MYBPC3: variants seen among roughly 807,000 people sequenced by gnomAD.
The protein encoded by MYBPC3 is myosin-binding protein C, cardiac-type.
A neutral mutation model predicts 159.3 loss-of-function variants in MYBPC3; 108 were observed. The observed-to-expected ratio is 0.68, with a 90% CI of 0.58 to 0.80. MYBPC3 has a LOEUF of 0.80. MYBPC3 is among the 30% of genes least tolerant of loss of function. The pLI is 0.00. For missense variants in MYBPC3, 1,631 were observed against 1,762.1 expected (o/e 0.93, Z 1.33); for synonymous variants, 730 against 702.0 (o/e 1.04, Z -0.63).
Position 47,342,835 on chromosome 11 carries a change from G to A in MYBPC3, c.1452C>T (p.Val484=), listed in dbSNP as rs1261011319. Residue 484 remains valine, a synonymous_variant, in exon 16 of 35, where the codon GTC becomes GTT. Transcript: ENST00000545968. ...CCCGTGCTTCTGGAACTCACCATTT[G>A]ACTTGCGCCCCCTCCTCCGATACTT... is the stretch of plus-strand genomic sequence containing the variant. The part of the protein sequence containing the change: ...ECEVSEEGAQ[V]KWLKDGVELT... 2 of 1,612,482 alleles carry A rather than the reference G, an allele frequency of 1.2e-6. No homozygotes were observed. The highest frequency in any genetic ancestry group is 2.2e-5 in the South Asian group (2 of 90,816).
At position 47,347,860 on chromosome 11, in the gene MYBPC3, C is replaced by A. The variant is rs376461745; in HGVS notation, c.818G>T (p.Arg273Leu). The A allele has an allele frequency of 2.6e-6, 4 of 1,565,902 alleles. No individual in the cohort carries two copies. Among genetic ancestry groups the A allele is most frequent in the Middle Eastern group, 1.7e-4 (1 of 5,892 alleles). ...GGCCCTGAGGATGGCCACTCACGTG[C>A]GGCGGAAGGCTGATAGGAGGTCCAG... ...GDLDLLSAFR[R>L]TSLAGGGRRI... Residue 273 changes from arginine (R) to leucine (L), a missense_variant, in exon 7 of 35, where the codon CGC (arginine) becomes CTC (leucine). Physicochemically the swap from Arg to Leu is moderately radical, Grantham distance 102 (BLOSUM62 -2). Transcript: ENST00000545968.
At position 47,350,584 on chromosome 11, in the gene MYBPC3, A is replaced by C. The variant is rs889465318; in HGVS notation, c.324T>G (p.Pro108=). 2.6e-6 allele frequency: 4 copies of C among 1,524,322 alleles called. No individual in the cohort carries two copies. The highest frequency in any genetic ancestry group is 2.6e-5 in the Admixed American group (1 of 38,268). 94.4% of individuals were successfully genotyped at this position (1,524,322 alleles called of 1,614,324 possible). Residue 108 remains proline (P), a synonymous_variant, in exon 3 of 35, where the codon CCT becomes CCG. Transcript: ENST00000545968. ...EKAEPMLAPA[P]APAEATGAPG... is the part of the protein sequence containing the mutation. ...GGGCTCCAGTGGCCTCAGCAGGGGC[A>C]GGGGCAGGGGCCAGCATGGGCTCTG...
intron 26 of MYBPC3, 83 bp downstream of exon 26, chr11:47,335,794 A>T: frequency 7.9e-7 from 1 of 1,261,228 alleles, no homozygotes; most frequent in Non-Finnish European, 1.0e-6. Flanking sequence ...GGCCTAAAAA[A>T]CTTGACTACA....
chr11:47,343,453 C>T (rs1308433262), intron 13 of MYBPC3, 39 bp downstream of exon 13: 7 of 1,548,418 alleles, frequency 4.5e-6, no homozygotes, highest in Non-Finnish European at 6.1e-6. Context: ...TGGGGGTCCC[C>T]ACCTCCACCC....
At chr11:47,350,133 T>C in intron 3 of MYBPC3, 21 bp from the exon 4 acceptor site, 2 of 1,548,936 alleles carry the variant, frequency 1.3e-6, no homozygotes, top group East Asian at 2.4e-5. Flanking sequence ...AGGCTTTTTC[T>C]GTTTGTTTGA....
chr11:47,346,173 T>C lies in MYBPC3; in HGVS notation c.1090+34A>G. The C allele has an allele frequency of 6.2e-7, 1 of 1,612,404 alleles. No individual in the cohort carries two copies. Among genetic ancestry groups the C allele is most frequent in the Non-Finnish European group, 8.5e-7 (1 of 1,179,436 alleles). On this transcript the variant is annotated intron_variant, in intron 12 of 34. Transcript: ENST00000545968. This position sits in a 1 kb window ranked among gnomAD's most constrained non-coding sequence, Gnocchi z 5.3. ...TCCTGTGTAGGGAAGGGCTAGCCTG[T>C]GCCCTCTCCTCTCCCCTCTGAGGAA... is the stretch of plus-strand genomic sequence containing the variant.
chr11:47,331,909 G>A, intron 33 of MYBPC3, 28 bp from the exon 34 acceptor site: 1 of 1,608,296 alleles, frequency 6.2e-7, no homozygotes, highest in Non-Finnish European at 8.5e-7. Flanking sequence ...ATGTCACTGT[G>A]TCCTCCCAGC....
At position 47,346,644 on chromosome 11, in the gene MYBPC3, G is replaced by A. The variant is rs200713257; in HGVS notation, c.909C>T (p.Asp303=). ...LDFSSLLKKR[D]SFRTPRDSKL... ...GCACTCACCTCGGGGTCCGGAAACT[G>A]CTGCTCCAGGGGTGGGGGTGGGAGA... Residue 303 remains aspartate (D), a splice_region_variant and synonymous_variant, in exon 11 of 35, where the codon GAC becomes GAT. Transcript: ENST00000545968. This position sits in a 1 kb window ranked among gnomAD's most constrained non-coding sequence, Gnocchi z 5.3. 2.0e-4 allele frequency: 317 copies of A among 1,595,178 alleles called. 6 individuals are homozygous for A. In the South Asian group the frequency reaches 3.4e-3, roughly 17 times the overall value.
rs397516065 is a variant in MYBPC3 at position 47,349,762 on chromosome 11, C to T, written c.654+12G>A. Reference sequence around the variant, plus strand: ...CCCTCTCTCCGTGTCTCCACGACCCCGGTGGACCCACCTTGCTGGCGCGGT... The same window carrying T: ...CCCTCTCTCCGTGTCTCCACGACCCTGGTGGACCCACCTTGCTGGCGCGGT... On this transcript the variant is annotated intron_variant, in intron 5 of 34. Transcript: ENST00000545968. 3.7e-5 allele frequency: 59 copies of T among 1,601,008 alleles called. No individual in the cohort carries two copies. The highest frequency in any genetic ancestry group is 2.0e-4 in the East Asian group (9 of 44,856).
intron 25 of MYBPC3, among the ~76,000 whole-genome samples, chr11:47,336,845 A>C (rs1374878870): frequency 6.6e-6 from 1 of 151,946 alleles, no homozygotes; most frequent in African/African-American, 2.4e-5. Flanking sequence ...GGGAGGGATG[A>C]CTCCAGTTGG....
chr11:47,344,822 A>T (rs1361832757), intron 12 of MYBPC3, among the ~76,000 whole-genome samples: 1 of 152,210 alleles, frequency 6.6e-6, no homozygotes, highest in African/African-American at 2.4e-5. Context: ...ATGGAGTCTC[A>T]TTCTGTCACC....
Position 47,332,997 on chromosome 11 carries a change from G to A in MYBPC3, c.3331-24C>T, listed in dbSNP as rs1467159671. On this transcript the variant is annotated intron_variant, in intron 30 of 34. Coordinates refer to ENST00000545968, the MANE Select transcript of MYBPC3 (RefSeq NM_000256.3). This position sits in a 1 kb window ranked among gnomAD's most constrained non-coding sequence, Gnocchi z 4.2. ...TCCTGGGGGCAGGGAGGGAGGGGAG[G>A]CATCTCTGGGCCAGGCCCTTCCTGA... 5 of 1,599,180 alleles carry A rather than the reference G, an allele frequency of 3.1e-6. No individual in the cohort carries two copies. The highest frequency in any genetic ancestry group is 4.3e-6 in the Non-Finnish European group (5 of 1,172,676).
chr11:47,332,795 A>T lies in MYBPC3; in HGVS notation c.3490+19T>A. On this transcript the variant is annotated intron_variant, in intron 31 of 34. Transcript: ENST00000545968. The surrounding 1 kb of genome is among the most constrained non-coding windows in gnomAD (Gnocchi z 4.2). The stretch of plus-strand genomic sequence containing the variant: ...CCTCCCTGCCCCAGCCCCTGGTTGG[A>T]AGAATGAGGGTACAGCACCTGGTCT... 1 of 1,597,796 alleles carries T rather than the reference A, an allele frequency of 6.3e-7. No individual in the cohort carries two copies. Among genetic ancestry groups the T allele is most frequent in the African/African-American group, 1.3e-5 (1 of 74,718 alleles).
Sources: gnomAD v4.1 joint callset for allele counts (sites outside exome capture counted in the v4.1 genomes callset) on GRCh38, gnomAD v4.1.1 for gene constraint, Gnocchi (gnomAD v3.1) non-coding constraint, MANE v1.5 for transcripts, NCBI Gene and HGNC (gene_info 2026-07-23, HGNC 2026-07-21) for gene names.